Variants in SLC35F3 observed in about 807,000 individuals in gnomAD.
SLC35F3 encodes putative thiamine transporter SLC35F3.
Under a neutral mutation model 49.9 loss-of-function variants are expected in SLC35F3, and 25 were observed. That is an observed-to-expected ratio of 0.50 (90% CI 0.37 to 0.70). The LOEUF (loss-of-function observed/expected upper bound fraction) is 0.70. Among genes scored for constraint, SLC35F3 ranks in the 30% least tolerant of loss-of-function variants. SLC35F3 has a pLI of 0.00. For missense variants in SLC35F3, 525 were observed against 639.8 expected, an observed-to-expected ratio of 0.82 and a Z score of 1.94; for synonymous variants, 275 against 265.4, an observed-to-expected ratio of 1.04 and a Z score of -0.35.
At chr1:234,180,875 A>G (rs955905301) in intron 2 of SLC35F3, among the ~76,000 whole-genome samples, 2 of 152,176 alleles carry the variant, frequency 1.3e-5, no homozygotes, top group Admixed American at 1.3e-4. Context: ...CAAAGTGGAA[A>G]TCGTACAATG....
At chr1:234,251,655 G>C (rs1558274105) in intron 3 of SLC35F3, among the ~76,000 whole-genome samples, 1 of 152,044 alleles carries the variant, frequency 6.6e-6, no homozygotes. Context: ...GTTTGTTTTA[G>C]GAAATGGACA....
At chr1:234,297,791 T>C (rs1668628565) in intron 3 of SLC35F3, among the ~76,000 whole-genome samples, 1 of 149,206 alleles carries the variant, frequency 6.7e-6, no homozygotes, top group African/African-American at 2.5e-5. Context: ...AGGAGTATAA[T>C]GGTGGTTGCC....
At chr1:234,122,901 C>CTCTTT (rs1665597088) in intron 2 of SLC35F3, among the ~76,000 whole-genome samples, 1 of 152,170 alleles carries the variant, frequency 6.6e-6, no homozygotes, top group African/African-American at 2.4e-5. Context: ...CAAGCCTTTG[C>CTCTTT]TCTTATAAAT....
At chr1:234,158,419 ATTGAG>A (rs1353707876) in intron 2 of SLC35F3, among the ~76,000 whole-genome samples, 1 of 150,266 alleles carries the variant, frequency 6.7e-6, no homozygotes, top group East Asian at 1.9e-4. Context: ...TACATTAAAA[ATTGAG>A]TTATTTTCTA....
intron 2 of SLC35F3, among the ~76,000 whole-genome samples, chr1:234,140,472 A>G (rs1447643357): frequency 6.6e-6 from 1 of 152,232 alleles, no homozygotes; most frequent in East Asian, 1.9e-4. Context: ...TATGTGGGAA[A>G]AAAACATAGT....
intron 3 of SLC35F3, among the ~76,000 whole-genome samples, chr1:234,299,823 A>AAAAAAAT (rs747533974): frequency 4.0e-5 from 6 of 150,410 alleles, no homozygotes; most frequent in Admixed American, 6.6e-5. Flanking sequence ...AAAAAAAAAA[A>AAAAAAAT]AGAGAAGAAA....
At chr1:234,297,881 A>G (rs1413407356) in intron 3 of SLC35F3, among the ~76,000 whole-genome samples, 1 of 152,154 alleles carries the variant, frequency 6.6e-6, no homozygotes, top group Non-Finnish European at 1.5e-5. Flanking sequence ...TAAGTCCTAG[A>G]GCTCTTCTGT....
At chr1:234,033,010 C>G (rs1215637422) in intron 2 of SLC35F3, among the ~76,000 whole-genome samples, 1 of 152,038 alleles carries the variant, frequency 6.6e-6, no homozygotes, top group African/African-American at 2.4e-5. Context: ...CTTTTCACCA[C>G]ATTCATGCCA....
chr1:233,911,605 G>T (rs1661875416), intron 2 of SLC35F3, among the ~76,000 whole-genome samples: 1 of 152,192 alleles, frequency 6.6e-6, no homozygotes, highest in Admixed American at 6.5e-5. Flanking sequence ...TTGCCATGGG[G>T]TTATAAACCC....
intron 2 of SLC35F3, among the ~76,000 whole-genome samples, chr1:234,016,256 T>G (rs1430352469): frequency 2.0e-5 from 3 of 152,114 alleles, no homozygotes; most frequent in African/African-American, 4.8e-5. Context: ...CTGAAAAAGT[T>G]AAAAATAGAA....
intron 3 of SLC35F3, chr1:234,285,279 A>T (rs1488541657): frequency 1.1e-5 from 5 of 458,108 alleles, no homozygotes; most frequent in African/African-American, 4.0e-5. Flanking sequence ...CAACATCCTT[A>T]TCCAGAAGAA....
intron 2 of SLC35F3, among the ~76,000 whole-genome samples, chr1:234,150,515 ATGTT>A (rs761302825): frequency 2.0e-5 from 3 of 152,188 alleles, no homozygotes; most frequent in Non-Finnish European, 4.4e-5. Flanking sequence ...TTTTTAAAAA[ATGTT>A]TGTTCCCTTT....
At chr1:234,060,970 T>C (rs1558218000) in intron 2 of SLC35F3, among the ~76,000 whole-genome samples, 1 of 152,194 alleles carries the variant, frequency 6.6e-6, no homozygotes, top group Non-Finnish European at 1.5e-5. Context: ...ATATAATTGC[T>C]TTTTACATTA....
chr1:234,320,018 C>T lies in SLC35F3; in HGVS notation c.1148-80C>T. ...TATGACTCCAGCCTCATCAGGAAAA[C>T]CTGGGTCAGATAGGCCAGCAGGGAG... On this transcript the variant is annotated intron_variant, in intron 6 of 7. Coordinates refer to ENST00000366618, the MANE Select transcript of SLC35F3 (RefSeq NM_173508.4). This position sits in a 1 kb window ranked among gnomAD's most constrained non-coding sequence, Gnocchi z 4.8. The T allele has an allele frequency of 2.1e-6, 2 of 958,720 alleles. No individual in the cohort carries two copies. The highest frequency in any genetic ancestry group is 2.7e-5 in the South Asian group (2 of 75,192). 59.4% of individuals were successfully genotyped at this position (958,720 alleles called of 1,614,324 possible).
At chr1:234,291,084 G>T (rs1464280048) in intron 3 of SLC35F3, among the ~76,000 whole-genome samples, 1 of 152,134 alleles carries the variant, frequency 6.6e-6, no homozygotes, top group African/African-American at 2.4e-5. Flanking sequence ...GGAGATAGAA[G>T]ATTTGGGACC....
At chr1:234,004,458 G>T (rs922672648) in intron 2 of SLC35F3, among the ~76,000 whole-genome samples, 4 of 152,026 alleles carry the variant, frequency 2.6e-5, no homozygotes, top group Admixed American at 2.0e-4. Flanking sequence ...TATTTTTAAA[G>T]GTAGTTAATG....
intron 2 of SLC35F3, among the ~76,000 whole-genome samples, chr1:233,916,134 A>G (rs1215798353): frequency 6.6e-6 from 1 of 152,272 alleles, no homozygotes. Flanking sequence ...TTGGCCAGAT[A>G]AAATATAGTT....
chr1:234,202,437 C>T (rs1666912739), intron 2 of SLC35F3, among the ~76,000 whole-genome samples: 3 of 152,126 alleles, frequency 2.0e-5, no homozygotes, highest in Admixed American at 6.5e-5. Flanking sequence ...TAAATTTACA[C>T]CAAGAAGTAT....
chr1:234,109,802 G>A (rs550140862), intron 2 of SLC35F3, among the ~76,000 whole-genome samples: 1 of 152,262 alleles, frequency 6.6e-6, no homozygotes, highest in African/African-American at 2.4e-5. Flanking sequence ...CGCAGTGGAT[G>A]CCACCTGGGC....
Sources: allele counts gnomAD v4.1 joint callset (sites outside exome capture counted in the v4.1 genomes callset), GRCh38; gene constraint gnomAD v4.1.1; non-coding constraint Gnocchi (gnomAD v3.1); transcripts MANE v1.5; gene names NCBI Gene and HGNC (gene_info 2026-07-23, HGNC 2026-07-21).